The following RSPO3 variants were observed in gnomAD, a reference collection of about 807,000 sequenced individuals.
RSPO3 encodes the protein R-spondin-3.
Under a neutral mutation model 36.5 loss-of-function variants are expected in RSPO3, and 17 were observed. The ratio of observed to expected loss-of-function variants is 0.47; its 90% CI spans 0.32 to 0.70. The LOEUF is 0.70. Ranked by LOEUF, RSPO3 falls within the 30% of genes least tolerant of loss-of-function variation. RSPO3 has a pLI of 0.04. For synonymous variants in RSPO3, 108 were observed against 107.0 expected (o/e 1.01, Z -0.06); for missense variants, 294 against 322.5 (o/e 0.91, Z 0.68).
chr6:127,172,247 A>G (rs1774953153), intron 4 of RSPO3, among the ~76,000 whole-genome samples: 1 of 150,466 alleles, frequency 6.6e-6, no homozygotes, highest in Admixed American at 6.7e-5. Flanking sequence ...AAACACACTC[A>G]CACATACAGA....
chr6:127,151,058 T>C (rs1774482344), intron 3 of RSPO3, among the ~76,000 whole-genome samples: 1 of 151,886 alleles, frequency 6.6e-6, no homozygotes, highest in South Asian at 2.1e-4. Flanking sequence ...TGGGAACATA[T>C]ATTCTCTTGA....
At chr6:127,167,341 C>T (rs574456796) in intron 4 of RSPO3, among the ~76,000 whole-genome samples, 4 of 152,058 alleles carry the variant, frequency 2.6e-5, no homozygotes, top group African/African-American at 7.2e-5. Flanking sequence ...GCGTTCTCAT[C>T]GTTCAGCTCC....
At chr6:127,131,528 A>G (rs1160652869) in intron 1 of RSPO3, among the ~76,000 whole-genome samples, 3 of 152,040 alleles carry the variant, frequency 2.0e-5, no homozygotes, top group African/African-American at 7.2e-5. Context: ...AATTGCCAAG[A>G]TTTTCCAGTG....
intron 4 of RSPO3, among the ~76,000 whole-genome samples, chr6:127,165,314 G>A (rs570721054): frequency 6.6e-6 from 1 of 152,042 alleles, no homozygotes; most frequent in African/African-American, 2.4e-5. Flanking sequence ...ATTTCTTATG[G>A]AATATGTACA....
chr6:127,132,432 C>A (rs546213716), intron 1 of RSPO3, among the ~76,000 whole-genome samples: 5 of 151,570 alleles, frequency 3.3e-5, no homozygotes, highest in Admixed American at 1.3e-4. Flanking sequence ...TTAATGTGCA[C>A]AGGATATAAG....
chr6:127,192,613 T>G, intron 4 of RSPO3: 1 of 975,952 alleles, frequency 1.0e-6, no homozygotes, highest in Non-Finnish European at 1.2e-6. Context: ...GCAAATTCTC[T>G]TTGATGTTTT....
At chr6:127,143,705 T>C (rs964901605) in intron 1 of RSPO3, among the ~76,000 whole-genome samples, 2 of 152,216 alleles carry the variant, frequency 1.3e-5, no homozygotes, top group African/African-American at 4.8e-5. Flanking sequence ...TAATGGATTT[T>C]TTTCACATAA....
At position 127,199,056 on chromosome 6, in the gene RSPO3, A is replaced by G. The variant is rs879811649; in HGVS notation, c.*3049A>G. ...CAGCTAAAAACAAGAATAGATATTC[A>G]TTCTCACAAAGGGAGACAGCAAAGA... is the stretch of plus-strand genomic sequence containing the variant. On this transcript the variant is annotated 3_prime_UTR_variant, in exon 5 of 5. Coordinates refer to ENST00000356698, the MANE Select transcript of RSPO3 (RefSeq NM_032784.5). Among the ~76,000 whole-genome samples, 4 of 152,262 alleles carry G rather than the reference A, an allele frequency of 2.6e-5. No individual in the cohort carries two copies. The highest frequency in any genetic ancestry group is 5.9e-5 in the Non-Finnish European group (4 of 68,040).
At chr6:127,152,711 T>C (rs1252951857) in intron 3 of RSPO3, among the ~76,000 whole-genome samples, 2 of 152,048 alleles carry the variant, frequency 1.3e-5, no homozygotes, top group African/African-American at 4.8e-5. Flanking sequence ...ATGAAAGAGG[T>C]ATGTCACAGT....
In RSPO3 at chr6:127,148,814, A is replaced by C; in HGVS notation, c.264A>C (p.Arg88=). Residue 88 remains arginine (R), a synonymous_variant, in exon 2 of 5, where the codon CGA becomes CGC. Coordinates refer to ENST00000356698, the MANE Select transcript of RSPO3 (RefSeq NM_032784.5). The part of the protein sequence containing the change: ...SSCPSGYYGT[R]YPDINKCTKC... ...GTCCAAGTGGATATTATGGAACTCG[A>C]TATCCAGATATAAATAAGTGTACAA... is the stretch of plus-strand genomic sequence containing the variant. 7 of 1,612,156 alleles carry C rather than the reference A, an allele frequency of 4.3e-6. No homozygotes were observed. Among genetic ancestry groups the C allele is most frequent in the Non-Finnish European group, 5.9e-6 (7 of 1,178,828 alleles).
chr6:127,146,154 C>T (rs1236147821), intron 1 of RSPO3, among the ~76,000 whole-genome samples: 3 of 152,032 alleles, frequency 2.0e-5, no homozygotes, highest in Admixed American at 6.6e-5. Context: ...TAAGGTTTGC[C>T]ATCATTTGAT....
intron 1 of RSPO3, among the ~76,000 whole-genome samples, chr6:127,138,969 G>C (rs1774214806): frequency 6.6e-6 from 1 of 152,138 alleles, no homozygotes; most frequent in Admixed American, 6.5e-5. Context: ...AAGTGTGCAG[G>C]ACCCATTTCT....
intron 1 of RSPO3, among the ~76,000 whole-genome samples, chr6:127,144,154 CAAGTT>C (rs540941185): frequency 3.4e-4 from 52 of 152,178 alleles, no homozygotes; most frequent in African/African-American, 1.1e-3. Context: ...CCATAATAAA[CAAGTT>C]AAGAAATAAT....
At chr6:127,158,872 G>A (rs1212055345) in intron 4 of RSPO3, among the ~76,000 whole-genome samples, 1 of 151,866 alleles carries the variant, frequency 6.6e-6, no homozygotes, top group Non-Finnish European at 1.5e-5. Context: ...TTTAGTAAGA[G>A]GTCATTACCA....
chr6:127,159,629 A>G (rs2114599338), intron 4 of RSPO3, among the ~76,000 whole-genome samples: 1 of 147,876 alleles, frequency 6.8e-6, no homozygotes, highest in South Asian at 2.1e-4. Context: ...ATATAAAGGC[A>G]TTACATACAT....
chr6:127,123,294 G>A (rs970706069), intron 1 of RSPO3, among the ~76,000 whole-genome samples: 1 of 152,064 alleles, frequency 6.6e-6, no homozygotes, highest in Admixed American at 6.5e-5. Context: ...ATGAAAGTTT[G>A]GTTTGGATAT....
intron 4 of RSPO3, among the ~76,000 whole-genome samples, chr6:127,168,892 A>G (rs1774878613): frequency 6.6e-6 from 1 of 152,064 alleles, no homozygotes; most frequent in African/African-American, 2.4e-5. Flanking sequence ...CAGGTTTTTC[A>G]AAGATCAGAT....
intron 1 of RSPO3, among the ~76,000 whole-genome samples, chr6:127,125,874 C>A (rs1164508772): frequency 6.6e-6 from 1 of 152,062 alleles, no homozygotes; most frequent in Non-Finnish European, 1.5e-5. Flanking sequence ...CCTAGCATGG[C>A]AGGCTTTCAG....
chr6:127,168,488 C>G (rs1013589262), intron 4 of RSPO3, among the ~76,000 whole-genome samples: 9 of 151,958 alleles, frequency 5.9e-5, no homozygotes, highest in Non-Finnish European at 2.9e-5. Context: ...GTTCTTTGTA[C>G]ATTCTGGATA....
Sources: allele counts gnomAD v4.1 joint callset (sites outside exome capture counted in the v4.1 genomes callset), GRCh38; gene constraint gnomAD v4.1.1; transcripts MANE v1.5; gene names NCBI Gene and HGNC (gene_info 2026-07-23, HGNC 2026-07-21).